TIAL1: variants seen among roughly 807,000 people sequenced by gnomAD.
The protein encoded by TIAL1 is nucleolysin TIAR.
TIAL1 carries 7 observed loss-of-function variants against 59.7 expected under a neutral mutation model. That is an observed-to-expected ratio of 0.12 (90% confidence interval 0.07 to 0.22). The LOEUF is 0.22. TIAL1 is among the 10% of genes least tolerant of loss of function. The pLI is 1.00. For synonymous variants in TIAL1, 149 were observed against 146.3 expected, an observed-to-expected ratio of 1.02 and a Z score of -0.13; for missense variants, 225 against 462.5, an observed-to-expected ratio of 0.49 and a Z score of 4.71.
chr10:119,594,523 C>T (rs1043950449), intron 1 of TIAL1, among the ~76,000 whole-genome samples: 1 of 152,196 alleles, frequency 6.6e-6, no homozygotes, highest in Non-Finnish European at 1.5e-5. Context: ...TTGTTAAATA[C>T]ATGTTAGCTA....
intron 11 of TIAL1, 89 bp downstream of exon 11, chr10:119,576,522 A>G (rs1845000757): frequency 6.6e-7 from 1 of 1,513,638 alleles, no homozygotes; most frequent in Non-Finnish European, 8.9e-7. Flanking sequence ...AATGTATATA[A>G]TTAAAATAGA....
At chr10:119,576,150 G>A (rs1844980288) in intron 11 of TIAL1, among the ~76,000 whole-genome samples, 1 of 150,602 alleles carries the variant, frequency 6.6e-6, no homozygotes, top group South Asian at 2.1e-4. Flanking sequence ...AAAGCTATGG[G>A]CTGGCCCTGG....
At chr10:119,586,535 A>T (rs1466299403) in intron 2 of TIAL1, among the ~76,000 whole-genome samples, 1 of 152,192 alleles carries the variant, frequency 6.6e-6, no homozygotes, top group Non-Finnish European at 1.5e-5. Flanking sequence ...GTCATTCTCT[A>T]CATAGAGTAG....
intron 1 of TIAL1, among the ~76,000 whole-genome samples, chr10:119,589,189 G>T (rs1845724831): frequency 6.6e-6 from 1 of 152,030 alleles, no homozygotes; most frequent in South Asian, 2.1e-4. Flanking sequence ...AGTCTAAAAT[G>T]CATCAGAATC....
intron 1 of TIAL1, chr10:119,593,616 G>GA (rs1564747138): frequency 5.0e-6 from 2 of 399,916 alleles, no homozygotes; most frequent in Non-Finnish European, 6.8e-6. Flanking sequence ...CTGGCCACTT[G>GA]AAAAACCTAA....
Position 119,596,505 on chromosome 10 carries a change from C to A in TIAL1, c.-40G>T. 1 of 220,974 alleles carries A rather than the reference C, an allele frequency of 4.5e-6. No homozygotes were observed. The highest frequency in any genetic ancestry group is 6.9e-6 in the Non-Finnish European group (1 of 145,472). The allele number at this position is 220,974 out of a possible 1,614,324, so 13.7% of individuals were successfully genotyped here. ...AGCGATCCCGGGACAAGGGGGAGGG[C>A]AGGGTTGGGGAGGGGAGGGGGTGGG... On this transcript the variant is annotated 5_prime_UTR_variant, in exon 1 of 12. Transcript: ENST00000436547.
chr10:119,584,808 A>C (rs951611909), intron 2 of TIAL1, among the ~76,000 whole-genome samples: 7 of 151,818 alleles, frequency 4.6e-5, no homozygotes, highest in Non-Finnish European at 8.8e-5. Flanking sequence ...CAGCCCGGGC[A>C]ACAGAGCCAG....
Position 119,596,521 on chromosome 10 carries a change from A to C in TIAL1, c.-56T>G. The C allele has an allele frequency of 9.7e-5, 3 of 30,912 alleles. No individual in the cohort carries two copies. The highest frequency in any genetic ancestry group is 8.3e-4 in the East Asian group (1 of 1,202). 1.9% of individuals were successfully genotyped at this position (30,912 alleles called of 1,614,324 possible). ...GGGGGAGGGCAGGGTTGGGGAGGGG[A>C]GGGGGTGGGGAGGAAGGGGAGGGGG... On this transcript the variant is annotated 5_prime_UTR_variant, in exon 1 of 12. Coordinates refer to ENST00000436547, the MANE Select transcript of TIAL1 (RefSeq NM_003252.4).
In TIAL1 at chr10:119,596,489, G is replaced by A. The variant is rs559825903; in HGVS notation, c.-24C>T. On this transcript the variant is annotated 5_prime_UTR_variant, in exon 1 of 12. Coordinates refer to ENST00000436547, the MANE Select transcript of TIAL1 (RefSeq NM_003252.4). ...ATGGTGGGTGCGACGGAGCGATCCC[G>A]GGACAAGGGGGAGGGCAGGGTTGGG... 48 of 1,544,110 alleles carry A rather than the reference G, an allele frequency of 3.1e-5. No homozygotes were observed. In the East Asian group the frequency reaches 3.9e-4, roughly 12 times the overall value.
chr10:119,591,165 A>G (rs1025822476), intron 1 of TIAL1, among the ~76,000 whole-genome samples: 4 of 152,136 alleles, frequency 2.6e-5, no homozygotes, highest in African/African-American at 4.8e-5. Context: ...ACACTCTGGG[A>G]AGCCGAGGCA....
chr10:119,583,231 A>G (rs1404159608), intron 2 of TIAL1, among the ~76,000 whole-genome samples: 1 of 152,204 alleles, frequency 6.6e-6, no homozygotes, highest in East Asian at 1.9e-4. Context: ...TCCAAAGATC[A>G]GAGAAATAAC....
In TIAL1 at chr10:119,582,308, A is replaced by C; in HGVS notation, c.229-85T>G. 1 of 1,471,058 alleles carries C rather than the reference A, an allele frequency of 6.8e-7. No individual in the cohort carries two copies. Among genetic ancestry groups the C allele is most frequent in the South Asian group, 1.3e-5 (1 of 75,550 alleles). The allele number at this position is 1,471,058 out of a possible 1,614,324, so 91.1% of individuals were successfully genotyped here. On this transcript the variant is annotated intron_variant, in intron 3 of 11. Coordinates refer to ENST00000436547, the MANE Select transcript of TIAL1 (RefSeq NM_003252.4). The surrounding 1 kb of genome is among the most constrained non-coding windows in gnomAD (Gnocchi z 5.1). ...CCACTTATTAAATCATTTATCAAGC[A>C]GGGTTATTTTTGTAAAAGCACTAAG...
intron 1 of TIAL1, among the ~76,000 whole-genome samples, chr10:119,592,964 A>G (rs1845966434): frequency 6.6e-6 from 1 of 152,266 alleles, no homozygotes; most frequent in South Asian, 2.1e-4. Flanking sequence ...ACTCTAAATC[A>G]TTAGCTTATT....
chr10:119,585,027 G>A (rs1845488073), intron 2 of TIAL1, among the ~76,000 whole-genome samples: 1 of 150,600 alleles, frequency 6.6e-6, no homozygotes, highest in South Asian at 2.1e-4. Context: ...GGAGGCTGAG[G>A]CAGGAGAATC....
intron 1 of TIAL1, chr10:119,592,171 A>T (rs893967353): frequency 1.3e-5 from 2 of 152,208 alleles, no homozygotes; most frequent in East Asian, 3.8e-4. Flanking sequence ...TAATTTTTGT[A>T]TTGAGAGGTC....
At chr10:119,578,146 A>C (rs2133992448) in intron 7 of TIAL1, among the ~76,000 whole-genome samples, 1 of 147,004 alleles carries the variant, frequency 6.8e-6, no homozygotes, top group East Asian at 2.0e-4. Flanking sequence ...AATCGCTTGA[A>C]CCTGCGAGGC....
In TIAL1 at chr10:119,582,235, G is replaced by A; in HGVS notation, c.229-12C>T. ...TTTACTTTGACCTCCTAAAAATAAA[G>A]ATTATATTTAATAAAATTATTAGGC... On this transcript the variant is annotated splice_polypyrimidine_tract_variant and intron_variant, in intron 3 of 11. Coordinates refer to ENST00000436547, the MANE Select transcript of TIAL1 (RefSeq NM_003252.4). This position sits in a 1 kb window ranked among gnomAD's most constrained non-coding sequence, Gnocchi z 5.1. 13 of 1,575,630 alleles carry A rather than the reference G, an allele frequency of 8.3e-6. No homozygotes were observed. The highest frequency in any genetic ancestry group is 2.3e-5 in the East Asian group (1 of 44,380).
rs879839777 is a variant in TIAL1, at chr10:119,590,772, GAA to G, written c.33-2526_33-2525del. Among the ~76,000 whole-genome samples the G allele has an allele frequency of 6.4e-3, 705 of 110,322 alleles. 16 individuals carry two copies. Among genetic ancestry groups the G allele is most frequent in the Middle Eastern group, 5.1e-3 (1 of 198 alleles). 72.4% of individuals were successfully genotyped at this position (110,322 alleles called of 152,430 possible). A position where few individuals can be genotyped will look rare whatever the true frequency, so the allele number is the denominator to read the frequency against. On this transcript the variant is annotated intron_variant, in intron 1 of 11. Transcript: ENST00000436547. ...AGACAGAGAGAAAGAGAGAAAGAAA[GAA>G]AGAAAGAAAGAAAGAAAGAAAGAAA...
chr10:119,595,523 A>C (rs1195596636), intron 1 of TIAL1, among the ~76,000 whole-genome samples: 1 of 152,140 alleles, frequency 6.6e-6, no homozygotes. Flanking sequence ...CTTCATTGGA[A>C]AGGAAGGAAA....
Sources: gnomAD v4.1 joint callset for allele counts (sites outside exome capture counted in the v4.1 genomes callset) on GRCh38, gnomAD v4.1.1 for gene constraint, Gnocchi (gnomAD v3.1) non-coding constraint, MANE v1.5 for transcripts, NCBI Gene and HGNC (gene_info 2026-07-23, HGNC 2026-07-21) for gene names.